RCAN2: variants seen among roughly 807,000 people sequenced by gnomAD.
RCAN2 encodes calcipressin-2.
In RCAN2, 9 loss-of-function variants were observed where a neutral mutation model predicts 23.6. The ratio of observed to expected loss-of-function variants is 0.38; its 90% CI spans 0.23 to 0.67. The LOEUF is 0.67. RCAN2 is among the 30% of genes least tolerant of loss of function. The pLI, the probability that RCAN2 is intolerant of heterozygous loss-of-function variation, is 0.51. For missense variants in RCAN2, 273 were observed against 302.3 expected, an observed-to-expected ratio of 0.90 and a Z score of 0.72; for synonymous variants, 109 against 115.7, an observed-to-expected ratio of 0.94 and a Z score of 0.37.
intron 2 of RCAN2, among the ~76,000 whole-genome samples, chr6:46,301,133 T>C (rs1186774060): frequency 1.3e-5 from 2 of 151,840 alleles, no homozygotes; most frequent in Non-Finnish European, 2.9e-5. Context: ...ATAGAGTAGG[T>C]GGAGATGAAG....
chr6:46,375,716 C>T (rs186635342), intron 2 of RCAN2, among the ~76,000 whole-genome samples: 3 of 152,260 alleles, frequency 2.0e-5, no homozygotes, highest in Admixed American at 6.5e-5. Flanking sequence ...CTCTGTCGAA[C>T]GATTCAACTT....
intron 1 of RCAN2, among the ~76,000 whole-genome samples, chr6:46,475,238 G>A (rs1768680744): frequency 6.6e-6 from 1 of 152,136 alleles, no homozygotes; most frequent in African/African-American, 2.4e-5. Flanking sequence ...GCCATCCTCT[G>A]CTTCAACAGC....
chr6:46,235,261 G>A (rs1442494730), intron 4 of RCAN2, among the ~76,000 whole-genome samples: 1 of 152,110 alleles, frequency 6.6e-6, no homozygotes, highest in Non-Finnish European at 1.5e-5. Flanking sequence ...TGGAAGGAAG[G>A]GGAAATCTTC....
chr6:46,239,457 G>A (rs923740532), intron 4 of RCAN2, among the ~76,000 whole-genome samples: 2 of 152,182 alleles, frequency 1.3e-5, no homozygotes, highest in Non-Finnish European at 2.9e-5. Flanking sequence ...AGCGACCAGC[G>A]TAACCGCCTT....
At chr6:46,462,426 T>G (rs1768244710) in intron 1 of RCAN2, among the ~76,000 whole-genome samples, 1 of 152,170 alleles carries the variant, frequency 6.6e-6, no homozygotes, top group Non-Finnish European at 1.5e-5. Flanking sequence ...GACCATTTCA[T>G]TTTTTCGCAA....
chr6:46,259,757 A>G (rs1473525384), intron 2 of RCAN2, among the ~76,000 whole-genome samples: 1 of 152,132 alleles, frequency 6.6e-6, no homozygotes, highest in Non-Finnish European at 1.5e-5. Context: ...CTTCTGACCC[A>G]CTAGTTATAA....
chr6:46,287,526 C>T (rs953956603), intron 2 of RCAN2, among the ~76,000 whole-genome samples: 9 of 152,314 alleles, frequency 5.9e-5, no homozygotes, highest in African/African-American at 9.6e-5. Flanking sequence ...TTTCACTAAA[C>T]GAATTTCTCT....
intron 2 of RCAN2, among the ~76,000 whole-genome samples, chr6:46,321,955 A>G (rs912898948): frequency 2.0e-5 from 3 of 152,194 alleles, no homozygotes; most frequent in Admixed American, 1.3e-4. Flanking sequence ...TGCCTGAAAG[A>G]GACAAGACAC....
chr6:46,368,627 T>A (rs13210205), intron 2 of RCAN2, among the ~76,000 whole-genome samples: 42 of 152,294 alleles, frequency 2.8e-4, no homozygotes, highest in Middle Eastern at 6.8e-3. Context: ...TAGGCAATTG[T>A]AACACAATAA....
chr6:46,383,569 T>C (rs919332396), intron 2 of RCAN2, among the ~76,000 whole-genome samples: 1 of 152,216 alleles, frequency 6.6e-6, no homozygotes, highest in Non-Finnish European at 1.5e-5. Flanking sequence ...ATTAAAAATA[T>C]ATATGAATTA....
At chr6:46,318,010 A>G (rs1019963816) in intron 2 of RCAN2, among the ~76,000 whole-genome samples, 11 of 152,204 alleles carry the variant, frequency 7.2e-5, no homozygotes, top group African/African-American at 2.7e-4. Context: ...GTGATTGGAA[A>G]CAGTAGTTGG....
At chr6:46,488,253 C>T (rs893220386) in intron 1 of RCAN2, among the ~76,000 whole-genome samples, 62 of 152,348 alleles carry the variant, frequency 4.1e-4, no homozygotes, top group African/African-American at 6.7e-4. Context: ...GTGTGACCCA[C>T]GCAAGATATC....
chr6:46,312,226 C>T (rs183093989), intron 2 of RCAN2, among the ~76,000 whole-genome samples: 199 of 152,280 alleles, frequency 1.3e-3, no homozygotes, highest in African/African-American at 4.6e-3. Context: ...TTTCTTTCTC[C>T]TAGCGTGGTA....
In RCAN2 at chr6:46,448,428, T is replaced by C. The variant is rs566005146; in HGVS notation, c.225+8324A>G. The stretch of plus-strand genomic sequence containing the variant: ...TCTAAAGAACTAAAACCAATTATTC[T>C]CAAACTTTTTCCAAAAAATTGAAAA... On this transcript the variant is annotated intron_variant, in intron 2 of 4. Coordinates refer to ENST00000371374, the MANE Select transcript of RCAN2 (RefSeq NM_001251974.2). Among the ~76,000 whole-genome samples the C allele has an allele frequency of 3.3e-5, 5 of 151,910 alleles. No individual in the cohort carries two copies. In the East Asian group the frequency reaches 9.6e-4, roughly 29 times the overall value.
At chr6:46,464,119 T>C (rs1423008042) in intron 1 of RCAN2, among the ~76,000 whole-genome samples, 2 of 152,324 alleles carry the variant, frequency 1.3e-5, no homozygotes, top group East Asian at 3.9e-4. Flanking sequence ...AATATAACAA[T>C]GTCAGCTTAA....
At chr6:46,305,386 C>T (rs930334901) in intron 2 of RCAN2, among the ~76,000 whole-genome samples, 2 of 152,052 alleles carry the variant, frequency 1.3e-5, no homozygotes, top group African/African-American at 4.8e-5. Flanking sequence ...TGCTCCATTC[C>T]CTGTCATCAC....
intron 2 of RCAN2, among the ~76,000 whole-genome samples, chr6:46,282,432 G>A (rs554695869): frequency 2.3e-4 from 35 of 151,038 alleles, no homozygotes; most frequent in African/African-American, 7.5e-4. Context: ...TGCCAAGATC[G>A]TGCCACTGCA....
intron 2 of RCAN2, among the ~76,000 whole-genome samples, chr6:46,343,375 ATTT>A (rs3084618): frequency 8.8e-5 from 12 of 135,676 alleles, no homozygotes; most frequent in Admixed American, 3.1e-4. Flanking sequence ...TGGGAAAACA[ATTT>A]TTTTTTTTTT....
At chr6:46,242,806 A>G (rs930235533) in intron 4 of RCAN2, among the ~76,000 whole-genome samples, 3 of 152,232 alleles carry the variant, frequency 2.0e-5, no homozygotes, top group African/African-American at 7.2e-5. Context: ...TAAAGCTATA[A>G]GAAAGCAACA....
Sources: gnomAD v4.1 joint callset for allele counts (sites outside exome capture counted in the v4.1 genomes callset) on GRCh38, gnomAD v4.1.1 for gene constraint, MANE v1.5 for transcripts, NCBI Gene and HGNC (gene_info 2026-07-23, HGNC 2026-07-21) for gene names.